Variants in NCKAP1 observed in about 807,000 individuals in gnomAD.
NCKAP1 encodes the protein nck-associated protein 1.
A neutral mutation model predicts 151.2 loss-of-function variants in NCKAP1; 21 were observed. The ratio of observed to expected loss-of-function variants is 0.14; its 90% CI spans 0.10 to 0.20. The LOEUF is 0.20. NCKAP1 is among the 10% of genes least tolerant of loss of function. The pLI is 1.00. For missense variants in NCKAP1, 933 were observed against 1,352.1 expected, an observed-to-expected ratio of 0.69 and a Z score of 4.86; for synonymous variants, 484 against 451.8, an observed-to-expected ratio of 1.07 and a Z score of -0.90.
chr2:182,986,307 A>T, intron 9 of NCKAP1, 80 bp from the exon 10 acceptor site: 1 of 1,154,818 alleles, frequency 8.7e-7, no homozygotes, highest in South Asian at 1.4e-5. Context: ...ACTAGAAGTC[A>T]ATTAAAAATG....
rs1697008848 is a variant in NCKAP1, at chr2:182,942,149, C to G, written c.2616G>C (p.Glu872Asp). ...QVAELKKLVV[E>D]NVDVLTQMRT... is the part of the protein sequence containing the mutation. ...TCATTTGTGTTAACACATCAACATT[C>G]TCCACCACAAGTTTCTAAAAAAAAA... Residue 872 changes from glutamate to aspartate, a missense_variant, in exon 24 of 31, where the codon GAG becomes GAC. Transcript: ENST00000361354. The G allele has an allele frequency of 1.2e-6, 2 of 1,612,152 alleles. No individual in the cohort carries two copies. Among genetic ancestry groups the G allele is most frequent in the Admixed American group, 3.3e-5 (2 of 59,844 alleles).
At chr2:182,976,761 TTC>T in intron 15 of NCKAP1, 130 bp downstream of exon 15, 1 of 444,662 alleles carries the variant, frequency 2.2e-6, no homozygotes, top group Non-Finnish European at 3.8e-6. Context: ...TACAAAATGT[TTC>T]TTTTATGGTT....
At chr2:182,955,523 T>C (rs1192651425) in intron 20 of NCKAP1, among the ~76,000 whole-genome samples, 1 of 152,270 alleles carries the variant, frequency 6.6e-6, no homozygotes, top group Non-Finnish European at 1.5e-5. Context: ...TATATTCATA[T>C]ATAACAGGAA....
intron 30 of NCKAP1, 45 bp from the exon 31 acceptor site, chr2:182,925,863 GT>G (rs767717474): frequency 9.5e-7 from 1 of 1,058,160 alleles, no homozygotes; most frequent in Admixed American, 2.7e-5. Flanking sequence ...TTTATAACTT[GT>G]TTATAAACAA....
At chr2:182,996,487 T>A (rs1698271213) in intron 6 of NCKAP1, among the ~76,000 whole-genome samples, 1 of 152,142 alleles carries the variant, frequency 6.6e-6, no homozygotes, top group Non-Finnish European at 1.5e-5. Context: ...AGACGGAGTC[T>A]CGCTCTTTTG....
intron 20 of NCKAP1, among the ~76,000 whole-genome samples, chr2:182,954,712 G>A (rs1444166939): frequency 1.3e-5 from 2 of 152,088 alleles, no homozygotes; most frequent in East Asian, 1.9e-4. Flanking sequence ...CTTGAACTTG[G>A]GAGATGGAGG....
rs373880268 is a variant in NCKAP1, at chr2:182,910,096, T to C, written c.*15606A>G. ...AGAAACAGTGGTTTCTGCAAAGCTG[T>C]GGTAGCTGGCTCTTTAACTGGTTCA... On this transcript the variant is annotated 3_prime_UTR_variant, in exon 31 of 31. Transcript: ENST00000361354. 1 of 152,216 alleles carries C rather than the reference T, an allele frequency of 6.6e-6. No homozygotes were observed. Among genetic ancestry groups the C allele is most frequent in the Admixed American group, 6.5e-5 (1 of 15,282 alleles). The allele number at this position is 152,216 out of a possible 1,614,324, so 9.4% of individuals were successfully genotyped here.
At chr2:182,956,768 A>G (rs1697336546) in intron 19 of NCKAP1, 175 bp from the exon 20 acceptor site, 1 of 575,018 alleles carries the variant, frequency 1.7e-6, no homozygotes. Flanking sequence ...CATAAGAGCA[A>G]TATTCTAAAG....
At chr2:182,988,716 A>AAT (rs893378258) in intron 9 of NCKAP1, among the ~76,000 whole-genome samples, 2 of 152,206 alleles carry the variant, frequency 1.3e-5, no homozygotes, top group Non-Finnish European at 2.9e-5. Flanking sequence ...TAAACCTCTA[A>AAT]AATGTATATG....
rs376536281 is a variant in NCKAP1 at position 183,038,111 on chromosome 2, TGCCGCC to T, written c.-18_-13del. 7 of 1,539,236 alleles carry T rather than the reference TGCCGCC, an allele frequency of 4.5e-6. No homozygotes were observed. Among genetic ancestry groups the T allele is most frequent in the African/African-American group, 2.8e-5 (2 of 70,196 alleles). ...ACTGAGCGCGACATGGTGGTGCTGGTGCCGCCGCCGCCGCCGGCCGCCTCGCGCCCA... is the reference window on the plus strand; with the variant it reads ...ACTGAGCGCGACATGGTGGTGCTGGTGCCGCCGCCGGCCGCCTCGCGCCCA... On this transcript the variant is annotated 5_prime_UTR_variant, in exon 1 of 31. Coordinates refer to ENST00000361354, the MANE Select transcript of NCKAP1 (RefSeq NM_013436.5).
chr2:183,010,896 A>T (rs1032300157), intron 2 of NCKAP1, among the ~76,000 whole-genome samples: 1 of 152,226 alleles, frequency 6.6e-6, no homozygotes, highest in African/African-American at 2.4e-5. Flanking sequence ...ATAATTTTTT[A>T]AAACCTTTCT....
At chr2:182,968,582 G>C (rs1224250497) in intron 15 of NCKAP1, among the ~76,000 whole-genome samples, 1 of 152,202 alleles carries the variant, frequency 6.6e-6, no homozygotes, top group Non-Finnish European at 1.5e-5. Flanking sequence ...TGATAAAATA[G>C]AGGGTTCCTC....
rs1272345315 is a variant in NCKAP1 at position 182,925,586 on chromosome 2, G to A, written c.*116C>T. ...CAATGATCAGAAAATACAACCGTAT[G>A]AAAGAAATTTATAATCCACAAAACT... On this transcript the variant is annotated 3_prime_UTR_variant, in exon 31 of 31. Transcript: ENST00000361354. The A allele has an allele frequency of 1.9e-6, 1 of 520,312 alleles. No individual in the cohort carries two copies. Among genetic ancestry groups the A allele is most frequent in the Non-Finnish European group, 3.5e-6 (1 of 288,384 alleles). The allele number at this position is 520,312 out of a possible 1,614,324, so 32.2% of individuals were successfully genotyped here.
chr2:182,952,745 A>G lies in NCKAP1; in HGVS notation c.2503+48T>C, dbSNP rs188251808. 4.0e-3 allele frequency: 6,037 copies of G among 1,503,880 alleles called. 12 individuals carry two copies. Among genetic ancestry groups the G allele is most frequent in the Non-Finnish European group, 4.5e-3 (4,990 of 1,121,066 alleles). The allele number at this position is 1,503,880 out of a possible 1,614,324, so 93.2% of individuals were successfully genotyped here. On this transcript the variant is annotated intron_variant, in intron 22 of 30. Coordinates refer to ENST00000361354, the MANE Select transcript of NCKAP1 (RefSeq NM_013436.5). ...TCTAAAGAATCAAGACACTAGCAAA[A>G]GAATTAAGTGTTCTTCATTCTCTAA...
At chr2:182,956,429 C>A in intron 20 of NCKAP1, 33 bp downstream of exon 20, 2 of 1,594,412 alleles carry the variant, frequency 1.3e-6, no homozygotes, top group South Asian at 2.3e-5. Context: ...ATTACTGAGT[C>A]AACAAACAAA....
At chr2:182,978,944 A>C in intron 13 of NCKAP1, 29 bp from the exon 14 acceptor site, 1 of 1,516,070 alleles carries the variant, frequency 6.6e-7, no homozygotes, top group Non-Finnish European at 9.1e-7. Flanking sequence ...GTAACGTTAA[A>C]AACATCTATA....
At position 182,976,955 on chromosome 2, in the gene NCKAP1, T is replaced by C. The variant is rs1250244919; in HGVS notation, c.1424-4A>G. ...TCAAATACTTCCCCATCTTCAACTG[T>C]AGTAATAGAAAAAAAAAAAAGATTA... On this transcript the variant is annotated splice_polypyrimidine_tract_variant and splice_region_variant and intron_variant, in intron 14 of 30. Coordinates refer to ENST00000361354, the MANE Select transcript of NCKAP1 (RefSeq NM_013436.5). 3.3e-6 allele frequency: 5 copies of C among 1,503,760 alleles called. No homozygotes were observed. The East Asian group carries it at 7.2e-5, about 22-fold the overall frequency. 93.2% of individuals were successfully genotyped at this position (1,503,760 alleles called of 1,614,324 possible). A position where few individuals can be genotyped will look rare whatever the true frequency, so the allele number is the denominator to read the frequency against.
intron 6 of NCKAP1, 43 bp downstream of exon 6, chr2:183,001,910 G>A: frequency 6.6e-7 from 1 of 1,516,910 alleles, no homozygotes; most frequent in Non-Finnish European, 9.1e-7. Context: ...CTCATGCTAT[G>A]TTATATGCCC....
chr2:182,942,172 A>C lies in NCKAP1; in HGVS notation c.2602-9T>G. On this transcript the variant is annotated splice_polypyrimidine_tract_variant and intron_variant, in intron 23 of 30. Coordinates refer to ENST00000361354, the MANE Select transcript of NCKAP1 (RefSeq NM_013436.5). ...TTCTCCACCACAAGTTTCTAAAAAAAAAAGAAAGATCCTAGGTCAGGCACA... is the reference window on the plus strand; with the variant it reads ...TTCTCCACCACAAGTTTCTAAAAAACAAAGAAAGATCCTAGGTCAGGCACA... 1 of 1,608,230 alleles carries C rather than the reference A, an allele frequency of 6.2e-7. No individual in the cohort carries two copies. The highest frequency in any genetic ancestry group is 1.7e-5 in the Admixed American group (1 of 59,456).
Sources: gnomAD v4.1 joint callset for allele counts (sites outside exome capture counted in the v4.1 genomes callset) on GRCh38, gnomAD v4.1.1 for gene constraint, MANE v1.5 for transcripts, NCBI Gene and HGNC (gene_info 2026-07-23, HGNC 2026-07-21) for gene names.